The following ME3 variants were observed in gnomAD, a reference collection of about 807,000 sequenced individuals.
ME3 encodes malic enzyme 3, also known as NADP-dependent malic enzyme, mitochondrial.
Under a neutral mutation model 68.9 loss-of-function variants are expected in ME3, and 48 were observed. That is an observed-to-expected ratio of 0.70 (90% CI 0.55 to 0.89). The LOEUF (loss-of-function observed/expected upper bound fraction) is 0.89, where lower values mean the gene tolerates loss of function less well. Among genes scored for constraint, ME3 ranks in the 40% least tolerant of loss-of-function variants. ME3 has a pLI of 0.00. For synonymous variants in ME3, 320 were observed against 318.8 expected, an observed-to-expected ratio of 1.00 and a Z score of -0.04; for missense variants, 675 against 797.4, an observed-to-expected ratio of 0.85 and a Z score of 1.85.
chr11:86,498,808 T>C (rs1022114756), intron 5 of ME3, among the ~76,000 whole-genome samples: 2 of 152,218 alleles, frequency 1.3e-5, no homozygotes, highest in Non-Finnish European at 2.9e-5. Flanking sequence ...ATAGGAATAA[T>C]TGTATTATTA....
intron 7 of ME3, among the ~76,000 whole-genome samples, chr11:86,486,249 AT>A (rs1348367173): frequency 6.6e-6 from 1 of 152,100 alleles, no homozygotes; most frequent in Admixed American, 6.5e-5. Context: ...TCCATCATTC[AT>A]TTTGTCTTTT....
intron 6 of ME3, among the ~76,000 whole-genome samples, chr11:86,495,149 C>T (rs1000866750): frequency 3.3e-5 from 5 of 152,128 alleles, no homozygotes; most frequent in African/African-American, 1.2e-4. Context: ...GGCTCCTAGC[C>T]CTGCCGCTTC....
At chr11:86,652,936 G>A (rs1945565313) in intron 2 of ME3, among the ~76,000 whole-genome samples, 2 of 150,996 alleles carry the variant, frequency 1.3e-5, no homozygotes, top group Admixed American at 6.6e-5. Context: ...AAAGGCAGGG[G>A]TTGCAGTCCT....
chr11:86,619,751 T>C (rs1943227681), intron 2 of ME3, among the ~76,000 whole-genome samples: 1 of 152,194 alleles, frequency 6.6e-6, no homozygotes, highest in Non-Finnish European at 1.5e-5. Context: ...TCGTCTGGGG[T>C]ATGTCTTTAT....
Position 86,456,644 on chromosome 11 carries a change from G to T in ME3, c.920-6246C>A, listed in dbSNP as rs79712890. Among the ~76,000 whole-genome samples, 33 of 152,238 alleles carry T rather than the reference G, an allele frequency of 2.2e-4. No homozygotes were observed. In the East Asian group the frequency reaches 5.0e-3, roughly 23 times the overall value. On this transcript the variant is annotated intron_variant, in intron 8 of 14. Coordinates refer to ENST00000543262, the Ensembl canonical transcript of ME3. Reference sequence around the variant, plus strand: ...TATGGGGTTTCTCTGGGGAAGGACGGAGCAGGGTGGTAGCAGAGGCAGAGG... The same window carrying T: ...TATGGGGTTTCTCTGGGGAAGGACGTAGCAGGGTGGTAGCAGAGGCAGAGG...
intron 2 of ME3, among the ~76,000 whole-genome samples, chr11:86,661,231 G>A (rs1323478833): frequency 2.0e-5 from 3 of 152,220 alleles, no homozygotes; most frequent in Non-Finnish European, 4.4e-5. Flanking sequence ...AATGCTACAT[G>A]CCAAAGAAAT....
rs773663858 is a variant in ME3, at chr11:86,465,095, G to A, written c.915C>T (p.Ile305=). 14 of 1,610,516 alleles carry A rather than the reference G, an allele frequency of 8.7e-6. No homozygotes were observed. The South Asian group carries it at 1.5e-4, about 18-fold the overall frequency. ...TCAGGTGGGGTGGAAACCTACCTTG[G>A]ATGTCATCATTGAACATGCAGTACT... is the stretch of plus-strand genomic sequence containing the variant. Residue 305 remains isoleucine, a synonymous_variant, in exon 8 of 15, where the codon ATC becomes ATT. Coordinates refer to ENST00000543262, the Ensembl canonical transcript of ME3.
At chr11:86,630,968 G>A (rs1474424687) in intron 2 of ME3, among the ~76,000 whole-genome samples, 2 of 152,346 alleles carry the variant, frequency 1.3e-5, no homozygotes, top group East Asian at 1.9e-4. Context: ...TCTCATTTCC[G>A]ATGGAGGCGG....
chr11:86,628,176 T>A (rs984252346), intron 2 of ME3, among the ~76,000 whole-genome samples: 1 of 152,216 alleles, frequency 6.6e-6, no homozygotes, highest in Non-Finnish European at 1.5e-5. Context: ...CATAAAATAA[T>A]TACATGCCAG....
At chr11:86,466,466 A>G (rs746658282) in intron 7 of ME3, among the ~76,000 whole-genome samples, 34 of 152,150 alleles carry the variant, frequency 2.2e-4, no homozygotes, top group Non-Finnish European at 4.1e-4. Flanking sequence ...CTGGTGACCT[A>G]CAGGCTTGGG....
intron 8 of ME3, among the ~76,000 whole-genome samples, chr11:86,452,760 T>A (rs1321392165): frequency 6.6e-6 from 1 of 152,260 alleles, no homozygotes; most frequent in East Asian, 1.9e-4. Context: ...ATATAAGTTC[T>A]GTTGGAGGTT....
intron 2 of ME3, among the ~76,000 whole-genome samples, chr11:86,592,180 T>C (rs943831539): frequency 2.0e-5 from 3 of 152,218 alleles, no homozygotes; most frequent in Non-Finnish European, 2.9e-5. Context: ...ACATGGGCAC[T>C]GTGACAATGA....
chr11:86,653,215 GA>G (rs1270290440), intron 2 of ME3, among the ~76,000 whole-genome samples: 1 of 152,100 alleles, frequency 6.6e-6, no homozygotes, highest in East Asian at 1.9e-4. Flanking sequence ...GGATACCCAG[GA>G]ATTGAACTCA....
intron 5 of ME3, among the ~76,000 whole-genome samples, chr11:86,501,030 A>G (rs1952688686): frequency 6.6e-6 from 1 of 152,204 alleles, no homozygotes; most frequent in Admixed American, 6.5e-5. Flanking sequence ...TGCACATTTT[A>G]TCTCACAAAA....
At chr11:86,639,850 G>A (rs776882084) in intron 2 of ME3, among the ~76,000 whole-genome samples, 4 of 152,208 alleles carry the variant, frequency 2.6e-5, no homozygotes, top group Non-Finnish European at 5.9e-5. Flanking sequence ...AAGAAGGGCA[G>A]ATAATTGGGA....
chr11:86,523,351 G>A (rs1342286072), intron 4 of ME3, among the ~76,000 whole-genome samples: 2 of 152,214 alleles, frequency 1.3e-5, no homozygotes, highest in African/African-American at 4.8e-5. Context: ...ACTGAGGTAA[G>A]TTGGCAAAGT....
At chr11:86,527,205 C>A (rs1408684582) in intron 4 of ME3, among the ~76,000 whole-genome samples, 1 of 152,200 alleles carries the variant, frequency 6.6e-6, no homozygotes, top group East Asian at 1.9e-4. Flanking sequence ...GGCACGAGAA[C>A]TACGTGACGA....
intron 3 of ME3, among the ~76,000 whole-genome samples, chr11:86,557,284 C>T (rs1956982400): frequency 6.6e-6 from 1 of 152,114 alleles, no homozygotes; most frequent in Non-Finnish European, 1.5e-5. Context: ...TTACCTAATC[C>T]CTGAGACCTG....
intron 4 of ME3, among the ~76,000 whole-genome samples, chr11:86,513,337 C>T (rs1953671325): frequency 6.6e-6 from 1 of 152,230 alleles, no homozygotes; most frequent in African/African-American, 2.4e-5. Context: ...AACCACTTCT[C>T]AAAGTGCTTT....
Sources: gnomAD v4.1 joint callset for allele counts (sites outside exome capture counted in the v4.1 genomes callset) on GRCh38, gnomAD v4.1.1 for gene constraint, MANE v1.5 for transcripts, NCBI Gene and HGNC (gene_info 2026-07-23, HGNC 2026-07-21) for gene names.